The following CCDC148 variants were observed in gnomAD, a reference collection of about 807,000 sequenced individuals.
CCDC148 encodes the protein coiled-coil domain-containing protein 148.
A neutral mutation model predicts 85.7 loss-of-function variants in CCDC148; 89 were observed. The ratio of observed to expected loss-of-function variants is 1.04; its 90% CI spans 0.87 to 1.24. CCDC148 has a LOEUF of 1.24. Among genes scored for constraint, CCDC148 ranks in the 50% most tolerant of loss-of-function variants. CCDC148 has a pLI of 0.00. For missense variants in CCDC148, 692 were observed against 671.7 expected, an observed-to-expected ratio of 1.03 and a Z score of -0.33; for synonymous variants, 230 against 213.9, an observed-to-expected ratio of 1.08 and a Z score of -0.66.
chr2:158,352,238 C>T (rs71501019), intron 2 of CCDC148, among the ~76,000 whole-genome samples: 50 of 150,498 alleles, frequency 3.3e-4, no homozygotes, highest in African/African-American at 8.3e-4. Flanking sequence ...ATGACTTTGA[C>T]GAGCTGAGAG....
At chr2:158,338,236 C>G (rs113105386) in intron 7 of CCDC148, among the ~76,000 whole-genome samples, 2,532 of 152,182 alleles carry the variant, frequency 0.017, 30 homozygotes, top group Middle Eastern at 0.078. Context: ...GATAATCATT[C>G]TTGGGAGAAA....
At chr2:158,431,742 C>G (rs1015402652) in intron 1 of CCDC148, among the ~76,000 whole-genome samples, 13 of 152,032 alleles carry the variant, frequency 8.6e-5, no homozygotes, top group African/African-American at 2.9e-4. Context: ...GGTTTGAAAC[C>G]AGCCTGGCCA....
chr2:158,225,975 T>C (rs562771019), intron 10 of CCDC148, among the ~76,000 whole-genome samples: 6 of 151,934 alleles, frequency 3.9e-5, no homozygotes, highest in Non-Finnish European at 8.8e-5. Flanking sequence ...CTGAGGGAAA[T>C]AGAGACACAA....
intron 9 of CCDC148, among the ~76,000 whole-genome samples, chr2:158,291,436 A>G (rs1276096198): frequency 6.6e-6 from 1 of 152,088 alleles, no homozygotes; most frequent in Non-Finnish European, 1.5e-5. Context: ...AATAAGAACC[A>G]CTGAACTGCT....
chr2:158,449,392 C>G (rs1448467577), intron 1 of CCDC148, among the ~76,000 whole-genome samples: 1 of 151,996 alleles, frequency 6.6e-6, no homozygotes, highest in Non-Finnish European at 1.5e-5. Context: ...GAATGGACAT[C>G]CTTATTTTAT....
At chr2:158,246,061 AACAG>A in intron 10 of CCDC148, among the ~76,000 whole-genome samples, 1 of 152,352 alleles carries the variant, frequency 6.6e-6, no homozygotes. Context: ...AATTGGTCAT[AACAG>A]ACAAATTGCT....
At chr2:158,313,026 T>A (rs78133534) in intron 8 of CCDC148, among the ~76,000 whole-genome samples, 1 of 152,242 alleles carries the variant, frequency 6.6e-6, no homozygotes, top group African/African-American at 2.4e-5. Context: ...ATGCAGAGTA[T>A]ATAAGATGCT....
intron 1 of CCDC148, among the ~76,000 whole-genome samples, chr2:158,447,635 T>C (rs1688216059): frequency 1.3e-5 from 2 of 152,262 alleles, no homozygotes; most frequent in South Asian, 4.1e-4. Flanking sequence ...ATTGTGGTTG[T>C]AATTTGCATT....
chr2:158,433,450 A>T (rs1301980561), intron 1 of CCDC148, among the ~76,000 whole-genome samples: 1 of 152,070 alleles, frequency 6.6e-6, no homozygotes, highest in African/African-American at 2.4e-5. Context: ...ATGAATTTTT[A>T]AAATCTCAAT....
At chr2:158,419,832 C>G (rs1413027230) in intron 1 of CCDC148, 1 of 152,080 alleles carries the variant, frequency 6.6e-6, no homozygotes, top group African/African-American at 2.4e-5. Context: ...CAGTTGAAAG[C>G]TGAAATATTT....
At chr2:158,364,699 C>T (rs1478588482) in intron 1 of CCDC148, among the ~76,000 whole-genome samples, 5 of 152,056 alleles carry the variant, frequency 3.3e-5, no homozygotes, top group African/African-American at 9.7e-5. Flanking sequence ...GACCTAAAAC[C>T]GTAACAGTCC....
intron 10 of CCDC148, among the ~76,000 whole-genome samples, chr2:158,242,929 C>T (rs1298638226): frequency 6.6e-6 from 1 of 151,986 alleles, no homozygotes; most frequent in Non-Finnish European, 1.5e-5. Flanking sequence ...TGCTCATCTT[C>T]CACTCCTCAC....
At chr2:158,252,766 A>T (rs367864872) in intron 9 of CCDC148, among the ~76,000 whole-genome samples, 2 of 151,754 alleles carry the variant, frequency 1.3e-5, no homozygotes, top group African/African-American at 4.8e-5. Flanking sequence ...TGATGTGCTT[A>T]TCCCCTTCTA....
In CCDC148 at chr2:158,271,342, T is replaced by C. The variant is rs145704264; in HGVS notation, c.1111-20430A>G. On this transcript the variant is annotated intron_variant, in intron 9 of 13. Transcript: ENST00000283233. ...TCAGTTACCCAAGGTCAGCCATGGT[T>C]AGAAACATATTAAATGGAAAATTTC... 1.4e-3 allele frequency among the ~76,000 whole-genome samples: 207 copies of C among 152,314 alleles called. 1 individual carries two copies. The highest frequency in any genetic ancestry group is 2.4e-3 in the Non-Finnish European group (161 of 68,020).
At chr2:158,425,787 T>C (rs1687049705) in intron 1 of CCDC148, among the ~76,000 whole-genome samples, 1 of 152,196 alleles carries the variant, frequency 6.6e-6, no homozygotes, top group African/African-American at 2.4e-5. Flanking sequence ...GTCTGTTACC[T>C]GAAGTTTCCA....
At chr2:158,401,143 C>T (rs900885759) in intron 1 of CCDC148, among the ~76,000 whole-genome samples, 3 of 152,218 alleles carry the variant, frequency 2.0e-5, no homozygotes, top group East Asian at 1.9e-4. Context: ...GACACTGTGG[C>T]GATTCCTGAA....
intron 9 of CCDC148, among the ~76,000 whole-genome samples, chr2:158,308,123 A>G (rs1691786509): frequency 6.6e-6 from 1 of 152,252 alleles, no homozygotes; most frequent in Non-Finnish European, 1.5e-5. Flanking sequence ...ATCCTGTTAT[A>G]GTAACTTTTT....
intron 10 of CCDC148, among the ~76,000 whole-genome samples, chr2:158,221,538 T>A (rs987304909): frequency 2.0e-5 from 3 of 152,106 alleles, no homozygotes; most frequent in Non-Finnish European, 2.9e-5. Flanking sequence ...AGTACCTCAA[T>A]GGTAAATAGT....
chr2:158,268,035 A>C (rs918536525), intron 9 of CCDC148, among the ~76,000 whole-genome samples: 3 of 152,190 alleles, frequency 2.0e-5, no homozygotes, highest in African/African-American at 7.2e-5. Context: ...TTTGATGATC[A>C]CAAATTAAGC....
Sources: allele counts gnomAD v4.1 joint callset (sites outside exome capture counted in the v4.1 genomes callset), GRCh38; gene constraint gnomAD v4.1.1; transcripts MANE v1.5; gene names NCBI Gene and HGNC (gene_info 2026-07-23, HGNC 2026-07-21).